Variants in ETV7 observed in about 807,000 individuals in gnomAD.
The protein encoded by ETV7 is transcription factor ETV7.
A neutral mutation model predicts 39.1 loss-of-function variants in ETV7; 43 were observed. That is an observed-to-expected ratio of 1.10 (90% CI 0.86 to 1.42). The LOEUF is 1.42. ETV7 is among the 40% of genes most tolerant of loss of function. ETV7 has a pLI of 0.00. For missense variants in ETV7, 432 were observed against 442.3 expected (o/e 0.98, Z 0.21); for synonymous variants, 196 against 176.6 (o/e 1.11, Z -0.87).
chr6:36,378,681 C>G (rs894332282), intron 2 of ETV7, among the ~76,000 whole-genome samples: 1 of 152,214 alleles, frequency 6.6e-6, no homozygotes. Flanking sequence ...AACCTCAGCA[C>G]TATTGACTCT....
At chr6:36,371,621 C>T (rs1773030880) in intron 4 of ETV7, 61 bp from the exon 5 acceptor site, 1 of 1,398,514 alleles carries the variant, frequency 7.2e-7, no homozygotes, top group Admixed American at 2.0e-5. Context: ...CCAACTCAAT[C>T]CCTCAATGGT....
At chr6:36,383,231 G>T (rs143958577) in intron 2 of ETV7, among the ~76,000 whole-genome samples, 15 of 152,224 alleles carry the variant, frequency 9.9e-5, no homozygotes, top group African/African-American at 3.6e-4. Flanking sequence ...GGGGAGGTGA[G>T]AATCCTCTTT....
At chr6:36,362,457 C>CA (rs936315235), downstream of ETV7, among the ~76,000 whole-genome samples, 5 of 149,744 alleles carry the variant, frequency 3.3e-5, no homozygotes, top group South Asian at 2.1e-4. Context: ...CAAAACACCT[C>CA]AAAAAAAAAA....
chr6:36,385,037 A>G lies in ETV7; in HGVS notation c.142+497T>C, dbSNP rs146957586. ...GCAATACAAAGTTATGGTATGAGAT[A>G]TATATAAAATTTTGGCCAGACACAG... is the stretch of plus-strand genomic sequence containing the variant. On this transcript the variant is annotated intron_variant, in intron 2 of 7. Coordinates refer to ENST00000340181, the MANE Select transcript of ETV7 (RefSeq NM_016135.4). 7.4e-4 allele frequency among the ~76,000 whole-genome samples: 112 copies of G among 152,310 alleles called. 2 individuals carry two copies. In the South Asian group the frequency reaches 7.7e-3, roughly 10 times the overall value.
chr6:36,383,849 A>G (rs1773768036), intron 2 of ETV7, among the ~76,000 whole-genome samples: 1 of 152,242 alleles, frequency 6.6e-6, no homozygotes, highest in Admixed American at 6.5e-5. Context: ...CAGGTATAGA[A>G]GATGCTGCTG....
chr6:36,375,632 A>G (rs1274288476), intron 3 of ETV7, among the ~76,000 whole-genome samples: 1 of 152,214 alleles, frequency 6.6e-6, no homozygotes, highest in Non-Finnish European at 1.5e-5. Context: ...GCGAGAGAGC[A>G]GAACAGGCCC....
chr6:36,376,109 C>T (rs1773329184), intron 2 of ETV7, 74 bp from the exon 3 acceptor site: 3 of 1,405,876 alleles, frequency 2.1e-6, no homozygotes, highest in Non-Finnish European at 2.9e-6. Context: ...AACACTTCAT[C>T]TGAGCAGATG....
chr6:36,384,473 T>C (rs985292642), intron 2 of ETV7, among the ~76,000 whole-genome samples: 2 of 152,200 alleles, frequency 1.3e-5, no homozygotes, highest in African/African-American at 4.8e-5. Context: ...AGATATTTAG[T>C]GAGCCTCTGA....
chr6:36,359,178 A>C (rs57617611), intron 7 of ETV7, among the ~76,000 whole-genome samples: 12,417 of 152,244 alleles, frequency 0.082, 992 homozygotes, highest in African/African-American at 0.19. Context: ...AGGCTGGGCG[A>C]AGTGGCTCAC....
Position 36,366,459 on chromosome 6 carries a change from A to G in ETV7, c.*186T>C. The G allele has an allele frequency of 1.4e-6, 2 of 1,456,112 alleles. No individual in the cohort carries two copies. Among genetic ancestry groups the G allele is most frequent in the Non-Finnish European group, 1.8e-6 (2 of 1,109,878 alleles). 90.2% of individuals were successfully genotyped at this position (1,456,112 alleles called of 1,614,324 possible). A position where few individuals can be genotyped will look rare whatever the true frequency, so the allele number is the denominator to read the frequency against. On this transcript the variant is annotated 3_prime_UTR_variant, in exon 8 of 8. Transcript: ENST00000340181. ...TAGCCCCAGGATTGCCCTGCCCAAA[A>G]GATGACACTCCTGCCCCCAGTGTCC...
At position 36,368,923 on chromosome 6, in the gene ETV7, G is replaced by A; in HGVS notation, c.807+6C>T. On this transcript the variant is annotated splice_donor_region_variant and intron_variant, in intron 6 of 7. Coordinates refer to ENST00000340181, the MANE Select transcript of ETV7 (RefSeq NM_016135.4). ...TGTTGAGACCATTCTGCTGGCCGAG[G>A]CTCACCTTGTGATTTCCCCAGAGTC... 1.2e-6 allele frequency: 2 copies of A among 1,614,090 alleles called. No homozygotes were observed. Among genetic ancestry groups the A allele is most frequent in the Non-Finnish European group, 1.7e-6 (2 of 1,180,016 alleles).
chr6:36,386,260 G>A (rs966117962), intron 1 of ETV7, among the ~76,000 whole-genome samples: 1 of 152,138 alleles, frequency 6.6e-6, no homozygotes, highest in East Asian at 1.9e-4. Flanking sequence ...CCCGGGAAGC[G>A]GAAGTTGGAG....
At chr6:36,362,061 G>C (rs1402543403), downstream of ETV7, among the ~76,000 whole-genome samples, 1 of 152,162 alleles carries the variant, frequency 6.6e-6, no homozygotes, top group Non-Finnish European at 1.5e-5. Flanking sequence ...CACTTTGGGA[G>C]ACTGAGGCAG....
downstream of ETV7, among the ~76,000 whole-genome samples, chr6:36,361,979 A>G (rs1159321436): frequency 1.3e-5 from 2 of 151,668 alleles, no homozygotes; most frequent in African/African-American, 4.9e-5. Flanking sequence ...ACACAGTGAA[A>G]CCCTGTCTCT....
intron 2 of ETV7, among the ~76,000 whole-genome samples, chr6:36,377,289 C>T (rs977789093): frequency 1.3e-5 from 2 of 152,042 alleles, no homozygotes; most frequent in African/African-American, 2.4e-5. Context: ...GGTAAAACCC[C>T]GTCTCTCCAA....
chr6:36,385,386 A>C, intron 2 of ETV7, 148 bp downstream of exon 2: 1 of 930,594 alleles, frequency 1.1e-6, no homozygotes, highest in Non-Finnish European at 1.6e-6. Flanking sequence ...GGATTACTTG[A>C]ACCCAGGAGC....
At chr6:36,382,202 C>G (rs191783973) in intron 2 of ETV7, among the ~76,000 whole-genome samples, 1 of 152,142 alleles carries the variant, frequency 6.6e-6, no homozygotes, top group African/African-American at 2.4e-5. Context: ...TATTTTGTAC[C>G]CACACACATA....
chr6:36,383,011 G>A (rs1265807474), intron 2 of ETV7, among the ~76,000 whole-genome samples: 2 of 151,840 alleles, frequency 1.3e-5, no homozygotes, highest in Non-Finnish European at 2.9e-5. Flanking sequence ...CCATGGTGGT[G>A]ACCATCTCTG....
At chr6:36,377,534 T>A (rs1234434098) in intron 2 of ETV7, among the ~76,000 whole-genome samples, 1 of 152,138 alleles carries the variant, frequency 6.6e-6, no homozygotes, top group African/African-American at 2.4e-5. Flanking sequence ...TGGGTTCAGT[T>A]CTACAGGTAA....
Sources: gnomAD v4.1 joint callset for allele counts (sites outside exome capture counted in the v4.1 genomes callset) on GRCh38, gnomAD v4.1.1 for gene constraint, MANE v1.5 for transcripts, NCBI Gene and HGNC (gene_info 2026-07-23, HGNC 2026-07-21) for gene names.